GALNT13: variants seen among roughly 807,000 people sequenced by gnomAD.
The protein encoded by GALNT13 is polypeptide N-acetylgalactosaminyltransferase 13, also known as UDP-GalNAc:polypeptide N-acetylgalactosaminyltransferase 13.
In GALNT13, 28 loss-of-function variants were observed where a neutral mutation model predicts 64.2. The observed-to-expected ratio is 0.44, with a 90% CI of 0.32 to 0.60. The LOEUF (loss-of-function observed/expected upper bound fraction) is 0.60, where lower values mean the gene tolerates loss of function less well. Ranked by LOEUF, GALNT13 falls within the 20% of genes least tolerant of loss-of-function variation. The probability of loss-of-function intolerance (pLI) is 0.05; values close to 1 mark genes in which losing one functional copy is unlikely to be tolerated. For synonymous variants in GALNT13, 214 were observed against 224.6 expected, an observed-to-expected ratio of 0.95 and a Z score of 0.42; for missense variants, 577 against 669.8, an observed-to-expected ratio of 0.86 and a Z score of 1.53.
chr2:154,365,498 C>T (rs539554790), intron 9 of GALNT13, among the ~76,000 whole-genome samples: 2 of 152,296 alleles, frequency 1.3e-5, no homozygotes, highest in Non-Finnish European at 2.9e-5. Context: ...TTCATCTGTG[C>T]ATTACTATGA....
At chr2:153,790,402 G>A in the GALNT13 span, among the ~76,000 whole-genome samples, 2 of 139,954 alleles carry the variant, frequency 1.4e-5, no homozygotes, top group Admixed American at 6.9e-5. Context: ...AATAATATAG[G>A]CTTTATGTTA....
At chr2:153,800,672 A>C in the GALNT13 span, among the ~76,000 whole-genome samples, 1 of 152,172 alleles carries the variant, frequency 6.6e-6, no homozygotes, top group Non-Finnish European at 1.5e-5. Flanking sequence ...CACCAGTAGA[A>C]CCTAACTCAA....
At chr2:153,461,429 A>T in the GALNT13 span, among the ~76,000 whole-genome samples, 7 of 152,096 alleles carry the variant, frequency 4.6e-5, no homozygotes. Context: ...CCCTTCCTTC[A>T]GCCATCCTGG....
intron 1 of GALNT13, among the ~76,000 whole-genome samples, chr2:153,872,707 C>G (rs1180910528): frequency 6.7e-6 from 1 of 150,046 alleles, no homozygotes; most frequent in Non-Finnish European, 1.5e-5. Context: ...GCCCAGACAA[C>G]TTTCTCGCAC....
At chr2:154,143,140 G>T (rs1683362822) in intron 4 of GALNT13, among the ~76,000 whole-genome samples, 1 of 152,128 alleles carries the variant, frequency 6.6e-6, no homozygotes, top group Admixed American at 6.5e-5. Flanking sequence ...TTCTAACTCA[G>T]TTGATCAGGC....
At chr2:153,767,574 G>T in the GALNT13 span, among the ~76,000 whole-genome samples, 326 of 152,232 alleles carry the variant, frequency 2.1e-3, no homozygotes, top group Non-Finnish European at 3.5e-3. Flanking sequence ...CGAACAGTAT[G>T]TGAATGTTCC....
chr2:153,885,462 G>GT (rs753415517), intron 1 of GALNT13, among the ~76,000 whole-genome samples: 8,128 of 150,814 alleles, frequency 0.054, 307 homozygotes, highest in South Asian at 0.11. Context: ...ACAGCTTAAT[G>GT]GTTTTTTTTG....
chr2:153,838,612 T>G, the GALNT13 span, among the ~76,000 whole-genome samples: 3 of 151,986 alleles, frequency 2.0e-5, no homozygotes. Context: ...TCAATTCTAC[T>G]CTATTGGTGC....
intron 1 of GALNT13, among the ~76,000 whole-genome samples, chr2:153,900,088 A>G (rs915788947): frequency 2.0e-5 from 3 of 151,648 alleles, no homozygotes; most frequent in Admixed American, 6.6e-5. Flanking sequence ...GGCACTCACT[A>G]CCATGCCTGG....
the GALNT13 span, among the ~76,000 whole-genome samples, chr2:153,772,211 C>A: frequency 6.6e-6 from 1 of 152,162 alleles, no homozygotes; most frequent in Non-Finnish European, 1.5e-5. Flanking sequence ...CAGTGGCTGC[C>A]GCTTCCAGGT....
rs543673838 is a variant in GALNT13, at chr2:154,352,318, C to G, written c.1157-43673C>G. Among the ~76,000 whole-genome samples, 12 of 152,276 alleles carry G rather than the reference C, an allele frequency of 7.9e-5. No homozygotes were observed. The South Asian group carries it at 2.5e-3, about 32-fold the overall frequency. ...TGCACTACCTGTTTCTGTTCTGGGACAGTTTATAAGATTATGCCAAGACTG... is the reference window on the plus strand; with the variant it reads ...TGCACTACCTGTTTCTGTTCTGGGAGAGTTTATAAGATTATGCCAAGACTG... On this transcript the variant is annotated intron_variant, in intron 9 of 12. Transcript: ENST00000392825.
the GALNT13 span, among the ~76,000 whole-genome samples, chr2:153,528,153 A>G: frequency 1.3e-5 from 2 of 151,952 alleles, no homozygotes; most frequent in Non-Finnish European, 2.9e-5. Flanking sequence ...TTAAAAAAAC[A>G]AGATCATTGA....
At chr2:154,347,914 C>T (rs1224336673) in intron 9 of GALNT13, among the ~76,000 whole-genome samples, 1 of 152,136 alleles carries the variant, frequency 6.6e-6, no homozygotes, top group Non-Finnish European at 1.5e-5. Flanking sequence ...AGTCAGTATG[C>T]TCTTCCCTGG....
chr2:153,516,045 C>A, the GALNT13 span, among the ~76,000 whole-genome samples: 1 of 152,128 alleles, frequency 6.6e-6, no homozygotes, highest in African/African-American at 2.4e-5. Flanking sequence ...AACTGTAAGA[C>A]AAAGACCAGT....
At chr2:153,901,349 T>C (rs1279086350) in intron 2 of GALNT13, among the ~76,000 whole-genome samples, 1 of 152,212 alleles carries the variant, frequency 6.6e-6, no homozygotes, top group Non-Finnish European at 1.5e-5. Flanking sequence ...TTTTTCCTAA[T>C]TATATGAACA....
At chr2:154,032,818 T>A (rs1698421280) in intron 3 of GALNT13, among the ~76,000 whole-genome samples, 1 of 150,834 alleles carries the variant, frequency 6.6e-6, no homozygotes, top group Admixed American at 6.6e-5. Context: ...GAAAGCTCAG[T>A]GCTTTTCCAC....
intron 11 of GALNT13, chr2:154,436,263 A>C (rs1700966125): frequency 6.6e-6 from 1 of 152,170 alleles, no homozygotes; most frequent in Admixed American, 6.5e-5. Context: ...CTACAGATAT[A>C]TCTTTCTTAA....
chr2:154,073,230 GTT>G (rs1270201600), intron 3 of GALNT13, among the ~76,000 whole-genome samples: 1 of 70,188 alleles, frequency 1.4e-5, no homozygotes, highest in African/African-American at 4.0e-5. Flanking sequence ...TTGTGCGACT[GTT>G]TGAGTTGCAA....
At chr2:154,106,196 G>A (rs567475133) in intron 3 of GALNT13, among the ~76,000 whole-genome samples, 88 of 152,192 alleles carry the variant, frequency 5.8e-4, no homozygotes, top group African/African-American at 2.0e-3. Context: ...GTGATAAAGT[G>A]CAACTTATTT....
Sources: allele counts gnomAD v4.1 joint callset (sites outside exome capture counted in the v4.1 genomes callset), GRCh38; gene constraint gnomAD v4.1.1; transcripts MANE v1.5; gene names NCBI Gene and HGNC (gene_info 2026-07-23, HGNC 2026-07-21).